NALF1: variants seen among roughly 807,000 people sequenced by gnomAD.
NALF1 encodes family with sequence similarity 155 member A.
A neutral mutation model predicts 48.4 loss-of-function variants in NALF1; 3 were observed. The ratio of observed to expected loss-of-function variants is 0.06; its 90% CI spans 0.03 to 0.16. The LOEUF (loss-of-function observed/expected upper bound fraction) is 0.16. Ranked by LOEUF, NALF1 falls within the 10% of genes least tolerant of loss-of-function variation. The probability of loss-of-function intolerance (pLI) is 1.00; values close to 1 mark genes in which losing one functional copy is unlikely to be tolerated. For synonymous variants in NALF1, 262 were observed against 245.7 expected (o/e 1.07, Z -0.62); for missense variants, 526 against 571.5 (o/e 0.92, Z 0.81).
intron 1 of NALF1, among the ~76,000 whole-genome samples, chr13:107,485,101 C>T (rs866765251): frequency 1.1e-4 from 16 of 152,240 alleles, no homozygotes; most frequent in South Asian, 8.3e-4. Context: ...ACTTCCTAAA[C>T]GTACAGCTAT....
chr13:107,730,430 C>A (rs1049296485), intron 1 of NALF1, among the ~76,000 whole-genome samples: 5 of 152,140 alleles, frequency 3.3e-5, no homozygotes, highest in African/African-American at 1.2e-4. Context: ...TAATTAAAAA[C>A]AATATCTAAG....
intron 1 of NALF1, among the ~76,000 whole-genome samples, chr13:107,769,282 A>T (rs1162782934): frequency 2.0e-5 from 3 of 149,504 alleles, no homozygotes; most frequent in Non-Finnish European, 4.4e-5. Flanking sequence ...AAAGACTTGG[A>T]ACCAACCCAA....
chr13:107,743,052 G>A (rs1876683414), intron 1 of NALF1, among the ~76,000 whole-genome samples: 1 of 152,180 alleles, frequency 6.6e-6, no homozygotes, highest in African/African-American at 2.4e-5. Flanking sequence ...CTCAGTCTGT[G>A]CTGGCTAGGC....
At chr13:107,358,218 C>T (rs977503986) in intron 1 of NALF1, among the ~76,000 whole-genome samples, 1 of 151,682 alleles carries the variant, frequency 6.6e-6, no homozygotes, top group Non-Finnish European at 1.5e-5. Flanking sequence ...ACTGCTGTTA[C>T]AAGTGCAAAC....
At chr13:107,329,473 T>C (rs1039033345) in intron 1 of NALF1, among the ~76,000 whole-genome samples, 7 of 152,030 alleles carry the variant, frequency 4.6e-5, no homozygotes, top group African/African-American at 1.5e-4. Flanking sequence ...CTCCTGGGAA[T>C]ACCTGGCTTC....
At chr13:107,798,652 A>G (rs7988681) in intron 1 of NALF1, among the ~76,000 whole-genome samples, 61,273 of 152,006 alleles carry the variant, frequency 0.4, 13,100 homozygotes, top group East Asian at 0.58. Flanking sequence ...AACAACCCCA[A>G]GGAATTCAGA....
intron 1 of NALF1, among the ~76,000 whole-genome samples, chr13:107,646,737 A>T (rs1049794411): frequency 2.0e-5 from 3 of 152,132 alleles, no homozygotes; most frequent in Non-Finnish European, 4.4e-5. Context: ...TGGCATAGGT[A>T]TAATATAAAT....
At chr13:107,472,898 T>C (rs1039781873) in intron 1 of NALF1, among the ~76,000 whole-genome samples, 4 of 152,172 alleles carry the variant, frequency 2.6e-5, no homozygotes, top group Non-Finnish European at 5.9e-5. Context: ...ATTAGTCCTG[T>C]CCCTCTAGAG....
chr13:107,256,022 G>A (rs1177706576), intron 1 of NALF1, among the ~76,000 whole-genome samples: 1 of 152,002 alleles, frequency 6.6e-6, no homozygotes, highest in Non-Finnish European at 1.5e-5. Flanking sequence ...ACCAAAATAT[G>A]CTTACTCACA....
intron 1 of NALF1, among the ~76,000 whole-genome samples, chr13:107,418,949 A>T (rs1195738611): frequency 3.3e-5 from 5 of 152,208 alleles, no homozygotes; most frequent in African/African-American, 9.6e-5. Flanking sequence ...CCTGAGACGG[A>T]GAAGAAAAGT....
rs66778475 is a variant in NALF1 at position 107,446,435 on chromosome 13, A to ACACACAC, written c.916-235681_916-235680insGTGTGTG. 5.2e-3 allele frequency among the ~76,000 whole-genome samples: 788 copies of ACACACAC among 151,592 alleles called. 2 individuals are homozygous for ACACACAC. Among genetic ancestry groups the ACACACAC allele is most frequent in the South Asian group, 0.021 (100 of 4,784 alleles). Reference sequence around the variant, plus strand: ...CACACACACACACACACACACACACATATTTTTACTAAATTGGAATTACAC... The same window carrying ACACACAC: ...CACACACACACACACACACACACACACACACACTATTTTTACTAAATTGGAATTACAC... On this transcript the variant is annotated intron_variant, in intron 1 of 2. Transcript: ENST00000375915.
intron 1 of NALF1, among the ~76,000 whole-genome samples, chr13:107,713,654 T>G (rs1314423916): frequency 6.6e-6 from 1 of 152,236 alleles, no homozygotes; most frequent in Non-Finnish European, 1.5e-5. Flanking sequence ...ATTTGGCAAC[T>G]CAGTCTCTGT....
chr13:107,378,964 T>C (rs1386620311), intron 1 of NALF1, among the ~76,000 whole-genome samples: 2 of 152,184 alleles, frequency 1.3e-5, no homozygotes, highest in African/African-American at 4.8e-5. Context: ...AAACATATAA[T>C]TAAGATCTCA....
chr13:107,817,082 G>A (rs1002657740), intron 1 of NALF1, among the ~76,000 whole-genome samples: 5 of 151,932 alleles, frequency 3.3e-5, no homozygotes, highest in Admixed American at 1.3e-4. Context: ...AAGAGCAAGA[G>A]CAATTTATAT....
intron 1 of NALF1, among the ~76,000 whole-genome samples, chr13:107,379,354 T>G (rs1594145073): frequency 6.6e-6 from 1 of 152,320 alleles, no homozygotes; most frequent in East Asian, 1.9e-4. Context: ...ACAATTTTCT[T>G]ATTGCTATAG....
chr13:107,818,102 G>A (rs1052036433), intron 1 of NALF1, among the ~76,000 whole-genome samples: 4 of 152,126 alleles, frequency 2.6e-5, no homozygotes, highest in Non-Finnish European at 5.9e-5. Context: ...CTTCTATGCT[G>A]TCTTCTCTGG....
chr13:107,467,065 C>G (rs1014691313), intron 1 of NALF1, among the ~76,000 whole-genome samples: 1 of 152,164 alleles, frequency 6.6e-6, no homozygotes, highest in Non-Finnish European at 1.5e-5. Flanking sequence ...CCCCACCAAA[C>G]TTCACTTGAA....
intron 1 of NALF1, among the ~76,000 whole-genome samples, chr13:107,243,911 G>A (rs1358526222): frequency 6.6e-6 from 1 of 151,982 alleles, no homozygotes; most frequent in African/African-American, 2.4e-5. Context: ...AAAGAAATGG[G>A]GGGCTTCCAC....
chr13:107,472,836 C>T (rs919156814), intron 1 of NALF1, among the ~76,000 whole-genome samples: 1 of 152,140 alleles, frequency 6.6e-6, no homozygotes. Flanking sequence ...ACCTTGTGAT[C>T]ATGCAGGTCA....
Sources: gnomAD v4.1 joint callset for allele counts (sites outside exome capture counted in the v4.1 genomes callset) on GRCh38, gnomAD v4.1.1 for gene constraint, MANE v1.5 for transcripts, NCBI Gene and HGNC (gene_info 2026-07-23, HGNC 2026-07-21) for gene names.